Variants in DLG5 observed in about 807,000 individuals in gnomAD.
DLG5 encodes discs large MAGUK scaffold protein 5.
DLG5 carries 48 observed loss-of-function variants against 189.8 expected under a neutral mutation model. That is an observed-to-expected ratio of 0.25 (90% CI 0.20 to 0.32). DLG5 has a LOEUF of 0.32. DLG5 is among the 10% of genes least tolerant of loss of function. The pLI, the probability that DLG5 is intolerant of heterozygous loss-of-function variation, is 1.00. For synonymous variants in DLG5, 1,016 were observed against 1,054.1 expected, an observed-to-expected ratio of 0.96 and a Z score of 0.70; for missense variants, 2,160 against 2,544.7, an observed-to-expected ratio of 0.85 and a Z score of 3.25.
At chr10:77,893,243 A>G (rs1053719162) in intron 1 of DLG5, among the ~76,000 whole-genome samples, 1 of 152,198 alleles carries the variant, frequency 6.6e-6, no homozygotes, top group Non-Finnish European at 1.5e-5. Flanking sequence ...GGAGAGAGAG[A>G]AGGAGGTGAA....
chr10:77,814,513 G>A lies in DLG5; in HGVS notation c.4025+2038C>T, dbSNP rs1344123372. 1.8e-4 allele frequency among the ~76,000 whole-genome samples: 18 copies of A among 99,440 alleles called. No homozygotes were observed. In the Admixed American group the frequency reaches 2.2e-3, roughly 12 times the overall value. The allele number at this position is 99,440 out of a possible 152,430, so 65.2% of individuals were successfully genotyped here. On this transcript the variant is annotated intron_variant, in intron 20 of 31. Transcript: ENST00000372391. The stretch of plus-strand genomic sequence containing the variant: ...TATATATATATATATATATCCAAAG[G>A]GTAATGGCAATTGAATCTCTTGTTG...
Position 77,869,198 on chromosome 10 carries a change from C to G in DLG5, c.305-1G>C. 1 of 1,613,648 alleles carries G rather than the reference C, an allele frequency of 6.2e-7. No individual in the cohort carries two copies. ...GTGGACAGGACGCTGTAGGTAGAAC[C>G]TGGGGAAAGAGGGGAGACCATGTTA... On this transcript the variant is annotated splice_acceptor_variant, in intron 1 of 31. Transcript: ENST00000372391. LOFTEE classifies it high-confidence loss of function.
At chr10:77,918,591 C>G (rs1435011591) in intron 1 of DLG5, among the ~76,000 whole-genome samples, 1 of 152,140 alleles carries the variant, frequency 6.6e-6, no homozygotes, top group African/African-American at 2.4e-5. Flanking sequence ...CTCCAAACAT[C>G]TCTATTTGGT....
intron 2 of DLG5, among the ~76,000 whole-genome samples, chr10:77,861,584 A>G (rs902618619): frequency 6.6e-6 from 1 of 152,322 alleles, no homozygotes; most frequent in South Asian, 2.1e-4. Flanking sequence ...ACACAGATAA[A>G]GTAGCAACGA....
chr10:77,846,683 A>C (rs1248676), intron 5 of DLG5: 127,510 of 455,880 alleles, frequency 0.28, 19,289 homozygotes, highest in Admixed American at 0.44. Flanking sequence ...GGCGACAGAG[A>C]AATATTCTGT....
chr10:77,802,288 A>G (rs1841246481), intron 27 of DLG5, among the ~76,000 whole-genome samples: 1 of 152,178 alleles, frequency 6.6e-6, no homozygotes, highest in Non-Finnish European at 1.5e-5. Flanking sequence ...ACCAGGAATG[A>G]TATCTTTAAA....
chr10:77,821,238 A>C lies in DLG5; in HGVS notation c.3246T>G (p.Asp1082Glu), dbSNP rs1234783929. 1 of 1,613,996 alleles carries C rather than the reference A, an allele frequency of 6.2e-7. No homozygotes were observed. The highest frequency in any genetic ancestry group is 8.5e-7 in the Non-Finnish European group (1 of 1,180,030). Residue 1082 changes from aspartate (D) to glutamate (E), a missense_variant, in exon 15 of 32, where the codon GAT becomes GAG. Physicochemically the swap from Asp to Glu is conservative, Grantham distance 45. Around this residue, in one of 5 missense-constraint regions of DLG5, gnomAD observed 754 missense variants for 746.5 expected, o/e 1.01. Coordinates refer to ENST00000372391, the MANE Select transcript of DLG5 (RefSeq NM_004747.4). ...RIASSYYPEG[D>E]GDSSHLPAKK... ...TGGCCGGCAGGTGGGAGGAGTCCCC[A>C]TCTCCTTCAGGGTAGTAGCTGGAAG...
At chr10:77,933,154 C>T in the DLG5 span, among the ~76,000 whole-genome samples, 1 of 152,160 alleles carries the variant, frequency 6.6e-6, no homozygotes. Flanking sequence ...ACTTGCCTTA[C>T]CAATCTCCTT....
Position 77,835,893 on chromosome 10 carries a change from C to T in DLG5, c.1467G>A (p.Gly489=), listed in dbSNP as rs780982762. The part of the protein sequence containing the change: ...QIKDTVTMDA[G]RANKEVEILR... ...GGATTTCAACCTCCTTGTTGGCTCT[C>T]CCAGCATCCATTGTCACCGTGTCTT... Residue 489 remains glycine (G), a synonymous_variant, in exon 8 of 32, where the codon GGG becomes GGA. Coordinates refer to ENST00000372391, the MANE Select transcript of DLG5 (RefSeq NM_004747.4). 5 of 1,613,452 alleles carry T rather than the reference C, an allele frequency of 3.1e-6. No homozygotes were observed. The highest frequency in any genetic ancestry group is 4.2e-6 in the Non-Finnish European group (5 of 1,179,596).
chr10:77,871,701 C>A (rs1029023892), intron 1 of DLG5, among the ~76,000 whole-genome samples: 1 of 151,876 alleles, frequency 6.6e-6, no homozygotes, highest in Non-Finnish European at 1.5e-5. Context: ...CACCACCATG[C>A]CTGCCTAATT....
chr10:77,900,048 T>A (rs1845878569), intron 1 of DLG5, among the ~76,000 whole-genome samples: 1 of 152,212 alleles, frequency 6.6e-6, no homozygotes, highest in African/African-American at 2.4e-5. Flanking sequence ...TGACTATGTG[T>A]CAAGTTCTCT....
At chr10:77,932,063 C>G in the DLG5 span, among the ~76,000 whole-genome samples, 7 of 152,134 alleles carry the variant, frequency 4.6e-5, no homozygotes, top group African/African-American at 1.7e-4. Context: ...ATGAGCTGAG[C>G]GATGTTGGGT....
chr10:77,829,681 G>A, intron 11 of DLG5, 151 bp from the exon 12 acceptor site: 1 of 976,674 alleles, frequency 1.0e-6, no homozygotes, highest in East Asian at 2.6e-5. Flanking sequence ...GCACAGTGGT[G>A]AAATTTGCAA....
chr10:77,837,369 G>T (rs749192988), intron 7 of DLG5, among the ~76,000 whole-genome samples: 9 of 152,126 alleles, frequency 5.9e-5, no homozygotes, highest in Admixed American at 1.3e-4. Flanking sequence ...TCCCTGAAAG[G>T]TTTCTCCATG....
At chr10:77,938,535 C>T in the DLG5 span, among the ~76,000 whole-genome samples, 4 of 152,170 alleles carry the variant, frequency 2.6e-5, no homozygotes, top group African/African-American at 9.7e-5. Context: ...CTCAGGAACT[C>T]TCCATAAGAA....
intron 1 of DLG5, among the ~76,000 whole-genome samples, chr10:77,923,670 A>T (rs1157253432): frequency 6.6e-6 from 1 of 152,006 alleles, no homozygotes; most frequent in Non-Finnish European, 1.5e-5. Context: ...AGGCAGGAGG[A>T]TGGCTTGAGA....
chr10:77,849,739 G>C (rs1464514630), intron 5 of DLG5, among the ~76,000 whole-genome samples: 2 of 152,194 alleles, frequency 1.3e-5, no homozygotes, highest in African/African-American at 4.8e-5. Flanking sequence ...GGGAGAGGGG[G>C]ACAGGGGTGG....
chr10:77,886,634 C>G (rs1845449343), intron 1 of DLG5, among the ~76,000 whole-genome samples: 1 of 152,126 alleles, frequency 6.6e-6, no homozygotes, highest in Non-Finnish European at 1.5e-5. Context: ...GGATTATAGG[C>G]GTGAGCCAAC....
chr10:77,936,009 T>G, the DLG5 span, among the ~76,000 whole-genome samples: 15 of 152,212 alleles, frequency 9.9e-5, no homozygotes, highest in African/African-American at 2.9e-4. Flanking sequence ...ATCTATGAAA[T>G]GAATTATGCC....
Sources: gnomAD v4.1 joint callset for allele counts (sites outside exome capture counted in the v4.1 genomes callset) on GRCh38, gnomAD v4.1.1 for gene constraint, gnomAD v4.1.1 regional missense constraint, MANE v1.5 for transcripts, NCBI Gene and HGNC (gene_info 2026-07-23, HGNC 2026-07-21) for gene names.